The following MTMR4 variants were observed in gnomAD, a reference collection of about 807,000 sequenced individuals.
MTMR4 encodes the protein myotubularin related protein 4, also known as phosphatidylinositol-3,5-bisphosphate 3-phosphatase MTMR4.
MTMR4 carries 30 observed loss-of-function variants against 125.5 expected under a neutral mutation model. That is an observed-to-expected ratio of 0.24 (90% CI 0.18 to 0.32). The LOEUF is 0.32. MTMR4 is among the 10% of genes least tolerant of loss of function. MTMR4 has a pLI of 1.00. For synonymous variants in MTMR4, 498 were observed against 564.5 expected, an observed-to-expected ratio of 0.88 and a Z score of 1.67; for missense variants, 1,039 against 1,511.5, an observed-to-expected ratio of 0.69 and a Z score of 5.18.
At chr17:58,502,157 ATTT>A (rs10706856) in intron 14 of MTMR4, among the ~76,000 whole-genome samples, 12 of 118,718 alleles carry the variant, frequency 1.0e-4, no homozygotes, top group Admixed American at 1.7e-4. Flanking sequence ...GTATTTTACA[ATTT>A]TTTTTTTTTT....
intron 15 of MTMR4, among the ~76,000 whole-genome samples, chr17:58,494,237 G>A (rs576845427): frequency 1.5e-4 from 22 of 150,936 alleles, no homozygotes; most frequent in Non-Finnish European, 2.7e-4. Context: ...GGAGAATGGC[G>A]TGAACCCGGG....
intron 15 of MTMR4, among the ~76,000 whole-genome samples, chr17:58,493,608 C>A (rs1275683373): frequency 4.6e-5 from 7 of 152,200 alleles, no homozygotes; most frequent in Non-Finnish European, 7.3e-5. Flanking sequence ...CCTACCTCGG[C>A]CTCACAAAGT....
At chr17:58,503,519 G>A (rs981000305) in intron 14 of MTMR4, among the ~76,000 whole-genome samples, 16 of 151,996 alleles carry the variant, frequency 1.1e-4, no homozygotes, top group African/African-American at 3.1e-4. Flanking sequence ...CGTGGTGGTC[G>A]GTGCCTGTAA....
At chr17:58,503,052 G>T (rs12948536) in intron 14 of MTMR4, among the ~76,000 whole-genome samples, 29,318 of 152,026 alleles carry the variant, frequency 0.19, 2,973 homozygotes, top group Non-Finnish European at 0.21. Flanking sequence ...CTGAGAGTCA[G>T]ATGTTTCTGG....
In MTMR4 at chr17:58,511,543, T is replaced by C. The variant is rs762787025; in HGVS notation, c.253-32A>G. ...AGGAAGGGCAAACTGAAGCTCAGAC[T>C]CCCCACTGGGTACCACTCCTCACCC... On this transcript the variant is annotated intron_variant, in intron 3 of 17. Coordinates refer to ENST00000682306, the MANE Select transcript of MTMR4 (RefSeq NM_001378067.1). 3 of 1,582,192 alleles carry C rather than the reference T, an allele frequency of 1.9e-6. No homozygotes were observed. The South Asian group carries it at 3.3e-5, about 18-fold the overall frequency.
intron 14 of MTMR4, among the ~76,000 whole-genome samples, chr17:58,502,333 T>A (rs1376379418): frequency 6.6e-6 from 1 of 151,964 alleles, no homozygotes; most frequent in African/African-American, 2.4e-5. Flanking sequence ...AATTTTTGTA[T>A]TTTTAGTAGA....
rs959045017 is a variant in MTMR4 at position 58,514,630 on chromosome 17, A to G, written c.-223T>C. The G allele has an allele frequency of 3.7e-5, 36 of 984,998 alleles. No homozygotes were observed. The highest frequency in any genetic ancestry group is 6.2e-5 in the Admixed American group (1 of 16,254). The allele number at this position is 984,998 out of a possible 1,614,324, so 61.0% of individuals were successfully genotyped here. On this transcript the variant is annotated 5_prime_UTR_variant, in exon 1 of 18. Transcript: ENST00000682306. ...CTCCGCCCTCCCGCACGAGTGCAGA[A>G]GGGAGGGGAGCCAGGCGAGGGGAGA...
At chr17:58,506,275 C>T (rs1975777322) in intron 9 of MTMR4, among the ~76,000 whole-genome samples, 1 of 152,190 alleles carries the variant, frequency 6.6e-6, no homozygotes, top group Admixed American at 6.5e-5. Flanking sequence ...CTCTGCGTCC[C>T]AGATGCAAGC....
At position 58,495,951 on chromosome 17, in the gene MTMR4, G is replaced by T; in HGVS notation, c.2233C>A (p.Pro745Thr). ...TCCTGGGCAGAAGGGTCTGGAGCTG[G>T]TCCCTTAGTCTCTTCTAGGACTTTG... Reference protein sequence around the residue: ...EIKVLEETKGPAPDPSAQDEL... With the variant: ...EIKVLEETKGTAPDPSAQDEL... Residue 745 changes from proline to threonine, a missense_variant, in exon 15 of 18, where the codon CCA becomes ACA. Pro to Thr is a conservative substitution (Grantham distance 38). This residue lies in a region of MTMR4 where 619 missense variants were observed against 714.5 expected (regional missense o/e 0.87). Coordinates refer to ENST00000682306, the MANE Select transcript of MTMR4 (RefSeq NM_001378067.1). The T allele has an allele frequency of 6.2e-7, 1 of 1,614,154 alleles. No individual in the cohort carries two copies. Among genetic ancestry groups the T allele is most frequent in the Non-Finnish European group, 8.5e-7 (1 of 1,180,032 alleles).
Position 58,512,571 on chromosome 17 carries a change from C to T in MTMR4, c.136-65G>A. 7.5e-7 allele frequency: 1 copy of T among 1,325,576 alleles called. No homozygotes were observed. The allele number at this position is 1,325,576 out of a possible 1,614,324, so 82.1% of individuals were successfully genotyped here. ...GACCACCTTATCCTCTTCTACAGCC[C>T]CTGATCTGTGGGATCCCCTCTGGAA... On this transcript the variant is annotated intron_variant, in intron 2 of 17. Transcript: ENST00000682306. This position sits in a 1 kb window ranked among gnomAD's most constrained non-coding sequence, Gnocchi z 4.1.
In MTMR4 at chr17:58,508,719, A is replaced by C. The variant is rs753802031; in HGVS notation, c.458T>G (p.Leu153Arg). The change falls in exon 5 of 18, where the codon CTG becomes CGG. Residue 153 changes from leucine (L) to arginine (R), a missense_variant. Physicochemically the swap from Leu to Arg is moderately radical, Grantham distance 102. Around this residue, in one of 6 missense-constraint regions of MTMR4, gnomAD observed 202 missense variants for 311.9 expected, o/e 0.65. Coordinates refer to ENST00000682306, the MANE Select transcript of MTMR4 (RefSeq NM_001378067.1). This position sits in a 1 kb window ranked among gnomAD's most constrained non-coding sequence, Gnocchi z 4.8. ...GTGAGTGTGCTGGTCCTCCTCGGTC[A>C]GCCCCAGGCACCAGGCATGGTAGGC... is the stretch of plus-strand genomic sequence containing the variant. ...AFAYHAWCLG[L>R]TEEDQHTHLC... The C allele has an allele frequency of 2.5e-6, 4 of 1,614,094 alleles. No individual in the cohort carries two copies. In the African/African-American group the frequency reaches 5.3e-5, roughly 22 times the overall value.
rs762428819 is a variant in MTMR4, at chr17:58,496,342, A to C, written c.1854-12T>G. On this transcript the variant is annotated splice_polypyrimidine_tract_variant and intron_variant, in intron 14 of 17. Coordinates refer to ENST00000682306, the MANE Select transcript of MTMR4 (RefSeq NM_001378067.1). ...TGGTTTTAGGTAATCTGGAAAGACA[A>C]ATATAACACCTCCAGGTCAGGAGAT... 5 of 1,588,306 alleles carry C rather than the reference A, an allele frequency of 3.1e-6. No homozygotes were observed. The highest frequency in any genetic ancestry group is 4.3e-6 in the Non-Finnish European group (5 of 1,167,150).
Position 58,494,935 on chromosome 17 carries a change from A to G in MTMR4, c.3249T>C (p.Asp1083=), listed in dbSNP as rs947079747. The G allele has an allele frequency of 6.2e-7, 1 of 1,613,260 alleles. No individual in the cohort carries two copies. Among genetic ancestry groups the G allele is most frequent in the East Asian group, 2.2e-5 (1 of 44,874 alleles). Reference sequence around the variant, plus strand: ...ATGGCAGTTGGTGACTACTTACAAAATCATCCTCATAGTCCATGGGGGGCT... The same window carrying G: ...ATGGCAGTTGGTGACTACTTACAAAGTCATCCTCATAGTCCATGGGGGGCT... ...PAEPPMDYED[D]FTCLKESDGS... The change falls in exon 15 of 18, where the codon GAT becomes GAC. Residue 1083 remains aspartate, a synonymous_variant. Transcript: ENST00000682306.
intron 14 of MTMR4, among the ~76,000 whole-genome samples, chr17:58,499,158 C>T (rs1002826300): frequency 2.6e-5 from 4 of 152,012 alleles, no homozygotes; most frequent in African/African-American, 9.7e-5. Flanking sequence ...CCTTCAATGC[C>T]CTCAATGACC....
intron 15 of MTMR4, among the ~76,000 whole-genome samples, chr17:58,493,700 C>T (rs1014337629): frequency 4.0e-5 from 6 of 151,546 alleles, no homozygotes; most frequent in East Asian, 1.9e-4. Flanking sequence ...GCAACATAGA[C>T]GGTATGGCCC....
At position 58,495,752 on chromosome 17, in the gene MTMR4, G is replaced by C; in HGVS notation, c.2432C>G (p.Ser811Cys). 6.2e-7 allele frequency: 1 copy of C among 1,614,142 alleles called. No individual in the cohort carries two copies. The highest frequency in any genetic ancestry group is 8.5e-7 in the Non-Finnish European group (1 of 1,180,030). Residue 811 changes from serine to cysteine, a missense_variant, in exon 15 of 18, where the codon TCC (serine) becomes TGC (cysteine). Ser to Cys is a moderately radical substitution (Grantham distance 112). Coordinates refer to ENST00000682306, the MANE Select transcript of MTMR4 (RefSeq NM_001378067.1). The stretch of plus-strand genomic sequence containing the variant: ...ACACTTGGAGGGCACACCTAGCATG[G>C]AGTCTGGCTGGGCCTGTTGGGGCGT... ...TGTPQQAQPD[S>C]MLGVPSKCVL...
At chr17:58,498,626 G>A (rs1001913015) in intron 14 of MTMR4, among the ~76,000 whole-genome samples, 1 of 151,430 alleles carries the variant, frequency 6.6e-6, no homozygotes, top group South Asian at 2.1e-4. Flanking sequence ...AGAATCAAAG[G>A]TAAGTCAGGT....
At position 58,508,055 on chromosome 17, in the gene MTMR4, TAG is replaced by T; in HGVS notation, c.707+104_707+105del. The T allele has an allele frequency of 1.3e-6, 1 of 763,450 alleles. No individual in the cohort carries two copies. Among genetic ancestry groups the T allele is most frequent in the Non-Finnish European group, 2.2e-6 (1 of 448,472 alleles). 47.3% of individuals were successfully genotyped at this position (763,450 alleles called of 1,614,324 possible). On this transcript the variant is annotated intron_variant, in intron 7 of 17. Coordinates refer to ENST00000682306, the MANE Select transcript of MTMR4 (RefSeq NM_001378067.1). This position sits in a 1 kb window ranked among gnomAD's most constrained non-coding sequence, Gnocchi z 4.8. The stretch of plus-strand genomic sequence containing the variant: ...TTTAAAGTTATTTCATACTTCCCCA[TAG>T]AGTGTCAATTCTCAGTCAACCAGGT...
chr17:58,516,936 G>C (rs1416411797), upstream of MTMR4, among the ~76,000 whole-genome samples: 32 of 152,258 alleles, frequency 2.1e-4, no homozygotes, highest in Non-Finnish European at 4.4e-5. Context: ...TTCTCAGGGA[G>C]CAGAACTGCC....
Sources: allele counts gnomAD v4.1 joint callset (sites outside exome capture counted in the v4.1 genomes callset), GRCh38; gene constraint gnomAD v4.1.1; regional missense constraint gnomAD v4.1.1; non-coding constraint Gnocchi (gnomAD v3.1); transcripts MANE v1.5; gene names NCBI Gene and HGNC (gene_info 2026-07-23, HGNC 2026-07-21).